Variants in OTOA observed in about 807,000 individuals in gnomAD.
The protein encoded by OTOA is otoancorin.
OTOA carries 70 observed loss-of-function variants against 110.8 expected under a neutral mutation model. The ratio of observed to expected loss-of-function variants is 0.63; its 90% CI spans 0.52 to 0.77. OTOA has a LOEUF of 0.77. Ranked by LOEUF, OTOA falls within the 30% of genes least tolerant of loss-of-function variation. The pLI is 0.00. For synonymous variants in OTOA, 373 were observed against 431.5 expected (o/e 0.86, Z 1.68); for missense variants, 917 against 1,075.8 (o/e 0.85, Z 2.06).
chr16:21,675,761 A>G (rs1390871767), intron 1 of OTOA, among the ~76,000 whole-genome samples: 1 of 151,924 alleles, frequency 6.6e-6, no homozygotes, highest in African/African-American at 2.4e-5. Flanking sequence ...ACATGCTCGC[A>G]GTTTTCCCTA....
chr16:21,722,155 G>A (rs566442154), intron 17 of OTOA, among the ~76,000 whole-genome samples: 20 of 150,260 alleles, frequency 1.3e-4, no homozygotes, highest in Non-Finnish European at 1.8e-4. Context: ...CTAGCTACTC[G>A]GGAGGCTGAC....
At chr16:21,701,219 G>C in intron 11 of OTOA, 192 bp downstream of exon 11, 1 of 804,378 alleles carries the variant, frequency 1.2e-6, no homozygotes, top group Non-Finnish European at 2.0e-6. Context: ...ATGAAGCTGG[G>C]TGAAAGGATA....
At chr16:21,735,328 G>C (rs1471486068) in intron 21 of OTOA, among the ~76,000 whole-genome samples, 1 of 151,732 alleles carries the variant, frequency 6.6e-6, no homozygotes, top group Non-Finnish European at 1.5e-5. Context: ...AGCGTGATGG[G>C]GGAGGTGCTA....
intron 1 of OTOA, among the ~76,000 whole-genome samples, chr16:21,670,462 C>T (rs1351496358): frequency 3.3e-5 from 5 of 152,126 alleles, no homozygotes; most frequent in African/African-American, 7.2e-5. Context: ...CAGGTCTTCC[C>T]TGACCAAACT....
At chr16:21,714,300 T>TCCTTCCTTCCTTCCTTC (rs1898455664) in intron 13 of OTOA, among the ~76,000 whole-genome samples, 1 of 100,344 alleles carries the variant, frequency 1.0e-5, no homozygotes, top group Non-Finnish European at 2.1e-5. Context: ...TCTTTTCCTT[T>TCCTTCCTTCCTTCCTTC]CTTCCTTCCT....
At position 21,714,972 on chromosome 16, in the gene OTOA, G is replaced by C. The variant is rs201691491; in HGVS notation, c.1321-13G>C. On this transcript the variant is annotated splice_polypyrimidine_tract_variant and intron_variant, in intron 13 of 28. Coordinates refer to ENST00000646100, the MANE Select transcript of OTOA (RefSeq NM_144672.4). ...GGGAGCAGAGCCTGACTGCGCAGCCGCTCCTCTTCCAGGTGCTGTCTTTCT... is the reference window on the plus strand; with the variant it reads ...GGGAGCAGAGCCTGACTGCGCAGCCCCTCCTCTTCCAGGTGCTGTCTTTCT... 3 of 1,614,018 alleles carry C rather than the reference G, an allele frequency of 1.9e-6. No individual in the cohort carries two copies. Among genetic ancestry groups the C allele is most frequent in the South Asian group, 1.1e-5 (1 of 91,072 alleles).
At chr16:21,732,628 G>A (rs2141726009) in intron 21 of OTOA, among the ~76,000 whole-genome samples, 1 of 152,064 alleles carries the variant, frequency 6.6e-6, no homozygotes, top group Non-Finnish European at 1.5e-5. Context: ...AATTGAAAAA[G>A]TCTTGCATCA....
At chr16:21,746,809 GT>G (rs1899634098) in intron 24 of OTOA, among the ~76,000 whole-genome samples, 1 of 144,960 alleles carries the variant, frequency 6.9e-6, no homozygotes, top group South Asian at 2.3e-4. Flanking sequence ...CTAATGGAGG[GT>G]AATTTTCCAA....
chr16:21,684,639 T>A (rs2141657883), intron 6 of OTOA: 1 of 1,100,914 alleles, frequency 9.1e-7, no homozygotes, highest in Non-Finnish European at 1.3e-6. Flanking sequence ...AATTATTGCC[T>A]AAAAGGGGAT....
At chr16:21,688,844 G>A (rs1036174813) in intron 8 of OTOA, among the ~76,000 whole-genome samples, 3 of 152,110 alleles carry the variant, frequency 2.0e-5, no homozygotes, top group East Asian at 1.9e-4. Context: ...TTGGGGAAAC[G>A]CAAACATTCA....
intron 21 of OTOA, among the ~76,000 whole-genome samples, chr16:21,731,933 A>G (rs1899128512): frequency 1.3e-5 from 2 of 152,154 alleles, no homozygotes; most frequent in Admixed American, 1.3e-4. Flanking sequence ...TATAGTTATA[A>G]GCAGTTGATG....
chr16:21,708,055 T>G (rs903594519), intron 12 of OTOA, among the ~76,000 whole-genome samples: 8 of 151,876 alleles, frequency 5.3e-5, no homozygotes, highest in African/African-American at 2.4e-5. Flanking sequence ...CCTCTTAAAG[T>G]ACTGGGACTA....
At chr16:21,667,814 CTT>C (rs1422300735) in intron 1 of OTOA, among the ~76,000 whole-genome samples, 1 of 152,008 alleles carries the variant, frequency 6.6e-6, no homozygotes. Flanking sequence ...TTTATAGACA[CTT>C]AAATTTAAAT....
intron 5 of OTOA, among the ~76,000 whole-genome samples, chr16:21,679,468 C>G (rs1393496339): frequency 1.3e-5 from 2 of 152,054 alleles, no homozygotes; most frequent in Non-Finnish European, 2.9e-5. Context: ...GTGGTGCTAT[C>G]TTGGCTCACT....
intron 14 of OTOA, 129 bp from the exon 15 acceptor site, chr16:21,716,778 T>TC: frequency 9.5e-7 from 1 of 1,047,676 alleles, no homozygotes; most frequent in East Asian, 2.4e-5. Context: ...GGGATGATGC[T>TC]ACTCTCCACT....
At chr16:21,690,155 T>C (rs981304013) in intron 8 of OTOA, among the ~76,000 whole-genome samples, 1 of 152,066 alleles carries the variant, frequency 6.6e-6, no homozygotes. Context: ...ATGGGAAAAA[T>C]AGTTACATAT....
chr16:21,717,238 AC>A (rs1490913515), intron 15 of OTOA, among the ~76,000 whole-genome samples, 191 bp downstream of exon 15: 4 of 152,130 alleles, frequency 2.6e-5, no homozygotes, highest in Non-Finnish European at 5.9e-5. Flanking sequence ...GGAGTTCGAG[AC>A]CAGCCTGGGC....
intron 17 of OTOA, among the ~76,000 whole-genome samples, chr16:21,721,841 A>T (rs1026828666): frequency 2.0e-5 from 3 of 152,046 alleles, no homozygotes; most frequent in Non-Finnish European, 1.5e-5. Context: ...GCAGTGAGTT[A>T]TGATGGAGTC....
chr16:21,664,759 G>A (rs1280633643), intron 1 of OTOA, among the ~76,000 whole-genome samples: 1 of 151,862 alleles, frequency 6.6e-6, no homozygotes, highest in East Asian at 1.9e-4. Flanking sequence ...ATCACTTGAG[G>A]CCAGGAGTTC....
Sources: gnomAD v4.1 joint callset for allele counts (sites outside exome capture counted in the v4.1 genomes callset) on GRCh38, gnomAD v4.1.1 for gene constraint, MANE v1.5 for transcripts, NCBI Gene and HGNC (gene_info 2026-07-23, HGNC 2026-07-21) for gene names.